The following GOLM2 variants were observed in gnomAD, a reference collection of about 807,000 sequenced individuals.
The protein encoded by GOLM2 is protein GOLM2.
GOLM2 carries 26 observed loss-of-function variants against 55.9 expected under a neutral mutation model. The ratio of observed to expected loss-of-function variants is 0.47; its 90% CI spans 0.34 to 0.65. The LOEUF (loss-of-function observed/expected upper bound fraction) is 0.65. Among genes scored for constraint, GOLM2 ranks in the 30% least tolerant of loss-of-function variants. GOLM2 has a pLI of 0.01. For synonymous variants in GOLM2, 165 were observed against 194.6 expected, an observed-to-expected ratio of 0.85 and a Z score of 1.27; for missense variants, 486 against 531.8, an observed-to-expected ratio of 0.91 and a Z score of 0.85.
intron 6 of GOLM2, among the ~76,000 whole-genome samples, chr15:44,369,117 AC>A (rs2079311135): frequency 1.1e-5 from 1 of 94,822 alleles, no homozygotes; most frequent in African/African-American, 4.1e-5. Flanking sequence ...ATATATATAT[AC>A]CCGGCTACCA....
At chr15:44,391,649 T>G (rs745794809) in intron 8 of GOLM2, among the ~76,000 whole-genome samples, 3 of 151,320 alleles carry the variant, frequency 2.0e-5, no homozygotes, top group Non-Finnish European at 2.9e-5. Flanking sequence ...AAAGGACACA[T>G]GATAAGAGGT....
intron 1 of GOLM2, among the ~76,000 whole-genome samples, chr15:44,299,374 C>T (rs1303723020): frequency 6.6e-6 from 1 of 151,438 alleles, no homozygotes; most frequent in Admixed American, 6.6e-5. Context: ...CTCACTGCAA[C>T]CTCCACCTCC....
At chr15:44,339,407 T>G in intron 6 of GOLM2, among the ~76,000 whole-genome samples, 1 of 151,860 alleles carries the variant, frequency 6.6e-6, no homozygotes, top group Non-Finnish European at 1.5e-5. Flanking sequence ...GGCGTGATCT[T>G]GTTTCACTGC....
intron 6 of GOLM2, among the ~76,000 whole-genome samples, chr15:44,352,978 A>G (rs2079175050): frequency 1.3e-5 from 2 of 152,258 alleles, no homozygotes; most frequent in African/African-American, 2.4e-5. Flanking sequence ...TTTGCAAACT[A>G]TCTATCTGAC....
chr15:44,407,129 GATATATAAATGGTTATAT>G (rs1245123161), intron 9 of GOLM2, among the ~76,000 whole-genome samples: 3 of 143,596 alleles, frequency 2.1e-5, no homozygotes, highest in Non-Finnish European at 4.5e-5. Flanking sequence ...TATTTATATA[GATATATAAATGGTTATAT>G]ATTTATAATA....
chr15:44,380,607 C>T (rs1246789884), intron 7 of GOLM2, among the ~76,000 whole-genome samples, 199 bp from the exon 8 acceptor site: 1 of 150,948 alleles, frequency 6.6e-6, no homozygotes, highest in Non-Finnish European at 1.5e-5. Flanking sequence ...CAGTAAACTT[C>T]CCACAGCTAA....
intron 2 of GOLM2, among the ~76,000 whole-genome samples, chr15:44,327,669 T>C (rs992559551): frequency 1.3e-5 from 2 of 152,206 alleles, no homozygotes; most frequent in African/African-American, 2.4e-5. Flanking sequence ...TAAAATCACC[T>C]ATCTGTGAAA....
chr15:44,328,599 A>G, intron 2 of GOLM2, 86 bp from the exon 3 acceptor site: 1 of 770,196 alleles, frequency 1.3e-6, no homozygotes, highest in Non-Finnish European at 2.1e-6. Context: ...AATTATGTAT[A>G]ATTAAAAAAA....
intron 4 of GOLM2, among the ~76,000 whole-genome samples, chr15:44,337,269 C>T (rs1275745489): frequency 6.6e-6 from 1 of 152,048 alleles, no homozygotes; most frequent in Non-Finnish European, 1.5e-5. Flanking sequence ...CCTGCCACTA[C>T]TTGCTGTGTT....
chr15:44,321,122 C>T (rs1010252363), intron 1 of GOLM2, among the ~76,000 whole-genome samples: 2 of 152,052 alleles, frequency 1.3e-5, no homozygotes, highest in Non-Finnish European at 2.9e-5. Context: ...TTTATACTTT[C>T]CCATTGAGTG....
chr15:44,355,875 C>T (rs144267504), intron 6 of GOLM2, among the ~76,000 whole-genome samples: 3 of 151,828 alleles, frequency 2.0e-5, no homozygotes, highest in Non-Finnish European at 2.9e-5. Context: ...TGTCATGTAC[C>T]GTCAATAAAG....
chr15:44,354,608 GCT>G (rs2079185884), intron 6 of GOLM2: 1 of 152,150 alleles, frequency 6.6e-6, no homozygotes, highest in African/African-American at 2.4e-5. Flanking sequence ...AGAAAGATAG[GCT>G]CTCTGTTCCT....
chr15:44,334,559 G>GA (rs1469865863), intron 4 of GOLM2, among the ~76,000 whole-genome samples: 1 of 152,014 alleles, frequency 6.6e-6, no homozygotes, highest in African/African-American at 2.4e-5. Context: ...TCAAATGGTT[G>GA]AAAAAAATCA....
intron 6 of GOLM2, among the ~76,000 whole-genome samples, chr15:44,356,875 A>G: frequency 6.6e-6 from 1 of 152,190 alleles, no homozygotes. Flanking sequence ...TCAACAATGT[A>G]TACAAGAATT....
At chr15:44,362,030 G>A (rs1025883822) in intron 6 of GOLM2, among the ~76,000 whole-genome samples, 187 of 152,260 alleles carry the variant, frequency 1.2e-3, no homozygotes, top group Non-Finnish European at 2.0e-3. Flanking sequence ...ATTAGGTATT[G>A]ATGGAACATA....
intron 9 of GOLM2, among the ~76,000 whole-genome samples, chr15:44,405,841 C>T (rs1455088084): frequency 6.6e-6 from 1 of 152,048 alleles, no homozygotes; most frequent in African/African-American, 2.4e-5. Context: ...AGGCTGGCCT[C>T]GAACTCCTGA....
chr15:44,402,848 T>G, intron 8 of GOLM2, 39 bp from the exon 9 acceptor site: 1 of 1,603,056 alleles, frequency 6.2e-7, no homozygotes, highest in African/African-American at 1.3e-5. Context: ...TCTTTTCTTC[T>G]CTCTTTACTC....
At chr15:44,388,791 G>A (rs1033677627) in intron 8 of GOLM2, among the ~76,000 whole-genome samples, 5 of 152,056 alleles carry the variant, frequency 3.3e-5, no homozygotes, top group African/African-American at 9.7e-5. Context: ...GGGATTTATA[G>A]GCATGCATCA....
At chr15:44,348,988 A>G (rs2079143157) in intron 6 of GOLM2, 1 of 152,272 alleles carries the variant, frequency 6.6e-6, no homozygotes, top group Non-Finnish European at 1.5e-5. Flanking sequence ...GGCCGGGTGC[A>G]GTGGCTCACA....
Sources: gnomAD v4.1 joint callset for allele counts (sites outside exome capture counted in the v4.1 genomes callset) on GRCh38, gnomAD v4.1.1 for gene constraint, MANE v1.5 for transcripts, NCBI Gene and HGNC (gene_info 2026-07-23, HGNC 2026-07-21) for gene names.